ZCCHC7: variants seen among roughly 807,000 people sequenced by gnomAD.
ZCCHC7 encodes the protein zinc finger CCHC domain-containing protein 7.
ZCCHC7 carries 35 observed loss-of-function variants against 52.0 expected under a neutral mutation model. That is an observed-to-expected ratio of 0.67 (90% confidence interval 0.51 to 0.89). The LOEUF is 0.89. Ranked by LOEUF, ZCCHC7 falls within the 40% of genes least tolerant of loss-of-function variation. ZCCHC7 has a pLI of 0.00. For missense variants in ZCCHC7, 574 were observed against 649.1 expected (o/e 0.88, Z 1.26); for synonymous variants, 217 against 221.5 (o/e 0.98, Z 0.18).
chr9:37,338,660 T>A (rs1244599002), intron 6 of ZCCHC7, among the ~76,000 whole-genome samples: 3 of 152,222 alleles, frequency 2.0e-5, no homozygotes, highest in African/African-American at 7.2e-5. Flanking sequence ...GGCAAATTAC[T>A]CTCAGGTAAA....
At chr9:37,223,263 A>G (rs1355707429) in intron 2 of ZCCHC7, among the ~76,000 whole-genome samples, 4 of 152,226 alleles carry the variant, frequency 2.6e-5, no homozygotes, top group Non-Finnish European at 5.9e-5. Context: ...AAAGATGCAT[A>G]GAAAACCATA....
intron 2 of ZCCHC7, among the ~76,000 whole-genome samples, chr9:37,168,212 A>C (rs1283997241): frequency 6.6e-6 from 1 of 152,078 alleles, no homozygotes; most frequent in Non-Finnish European, 1.5e-5. Context: ...TCTTTCATGG[A>C]TTATTGTCCT....
intron 1 of ZCCHC7, among the ~76,000 whole-genome samples, chr9:37,121,204 G>T (rs556151702): frequency 6.6e-6 from 1 of 152,316 alleles, no homozygotes; most frequent in Admixed American, 6.5e-5. Context: ...AAGAGCTGCT[G>T]GTTCGGTGGA....
intron 2 of ZCCHC7, among the ~76,000 whole-genome samples, chr9:37,205,801 C>T (rs935005452): frequency 1.3e-5 from 2 of 152,188 alleles, no homozygotes; most frequent in African/African-American, 4.8e-5. Context: ...CAGGCATCAG[C>T]CACCTTGCCC....
intron 5 of ZCCHC7, among the ~76,000 whole-genome samples, chr9:37,306,315 C>T (rs1467147476): frequency 1.3e-5 from 2 of 151,908 alleles, no homozygotes; most frequent in African/African-American, 2.4e-5. Flanking sequence ...GTGATCTGCC[C>T]GCCTCAGCCT....
intron 4 of ZCCHC7, among the ~76,000 whole-genome samples, chr9:37,305,249 A>T (rs989438852): frequency 2.6e-4 from 40 of 152,200 alleles, no homozygotes; most frequent in African/African-American, 9.4e-4. Flanking sequence ...GCTTCTAGAT[A>T]TCCTCCTCAT....
intron 6 of ZCCHC7, among the ~76,000 whole-genome samples, chr9:37,348,378 C>CTTTCTTTCT (rs1554736760): frequency 4.1e-5 from 6 of 146,448 alleles, no homozygotes; most frequent in African/African-American, 1.1e-4. Context: ...TTCTTTCTTT[C>CTTTCTTTCT]TTTCTTTCTT....
At chr9:37,292,846 A>G (rs1009740124) in intron 2 of ZCCHC7, among the ~76,000 whole-genome samples, 8 of 146,006 alleles carry the variant, frequency 5.5e-5, no homozygotes, top group African/African-American at 1.3e-4. Context: ...TCTCGCTGGT[A>G]TGTATCAAAT....
intron 2 of ZCCHC7, among the ~76,000 whole-genome samples, chr9:37,214,810 G>A (rs1824419120): frequency 1.3e-5 from 2 of 151,972 alleles, no homozygotes; most frequent in African/African-American, 4.8e-5. Context: ...CTCAGCATTG[G>A]TAATAATGAA....
intron 2 of ZCCHC7, among the ~76,000 whole-genome samples, chr9:37,129,109 GA>G (rs892186840): frequency 8.6e-5 from 13 of 151,742 alleles, no homozygotes; most frequent in Admixed American, 3.9e-4. Flanking sequence ...TTGATAACTT[GA>G]AAAAAAAGCT....
chr9:37,253,660 T>C (rs1826437457), intron 2 of ZCCHC7, among the ~76,000 whole-genome samples: 1 of 152,038 alleles, frequency 6.6e-6, no homozygotes, highest in Non-Finnish European at 1.5e-5. Flanking sequence ...AGAGACTTCC[T>C]ATCACTTTGG....
At chr9:37,309,172 G>T (rs985674802) in intron 5 of ZCCHC7, among the ~76,000 whole-genome samples, 2 of 152,108 alleles carry the variant, frequency 1.3e-5, no homozygotes, top group Non-Finnish European at 2.9e-5. Context: ...CTACACACCT[G>T]GTGTAGGATT....
chr9:37,290,867 A>G (rs563458319), intron 2 of ZCCHC7, among the ~76,000 whole-genome samples: 59 of 152,278 alleles, frequency 3.9e-4, no homozygotes, highest in African/African-American at 1.4e-3. Context: ...CCTAGGAATA[A>G]TTTTATCATT....
Position 37,125,785 on chromosome 9 carries a change from A to G in ZCCHC7, c.-21-527A>G, listed in dbSNP as rs568680262. Among the ~76,000 whole-genome samples, 4 of 152,366 alleles carry G rather than the reference A, an allele frequency of 2.6e-5. No individual in the cohort carries two copies. The East Asian group carries it at 5.8e-4, about 22-fold the overall frequency. Reference sequence around the variant, plus strand: ...TGAAATCTTACATATCATGTGCTGCATAATAGCATTTTGGTTAAAGACAGA... The same window carrying G: ...TGAAATCTTACATATCATGTGCTGCGTAATAGCATTTTGGTTAAAGACAGA... On this transcript the variant is annotated intron_variant, in intron 1 of 8. Coordinates refer to ENST00000336755, the MANE Select transcript of ZCCHC7 (RefSeq NM_032226.3).
At chr9:37,193,842 C>T (rs1823144805) in intron 2 of ZCCHC7, among the ~76,000 whole-genome samples, 1 of 152,196 alleles carries the variant, frequency 6.6e-6, no homozygotes, top group Non-Finnish European at 1.5e-5. Context: ...CTCCCTCTTT[C>T]CTAATCAGTG....
intron 2 of ZCCHC7, among the ~76,000 whole-genome samples, chr9:37,134,361 T>C (rs1842915323): frequency 6.6e-6 from 1 of 152,230 alleles, no homozygotes; most frequent in Admixed American, 6.5e-5. Flanking sequence ...CCTCTGTCTT[T>C]CCTGTGAATT....
chr9:37,228,884 A>G (rs1427961389), intron 2 of ZCCHC7, among the ~76,000 whole-genome samples: 1 of 146,252 alleles, frequency 6.8e-6, no homozygotes, highest in African/African-American at 2.5e-5. Context: ...CGCCTGGGCT[A>G]AAGTGCAGTG....
intron 5 of ZCCHC7, among the ~76,000 whole-genome samples, chr9:37,310,959 T>TTA (rs1491195786): frequency 8.7e-6 from 1 of 115,046 alleles, no homozygotes; most frequent in African/African-American, 3.3e-5. Context: ...TCTCTCTTTT[T>TTA]AAAAAAAAAA....
intron 2 of ZCCHC7, among the ~76,000 whole-genome samples, chr9:37,228,861 A>T (rs1825255818): frequency 7.0e-6 from 1 of 142,846 alleles, no homozygotes. Flanking sequence ...TTTGAGACAG[A>T]GTCTCACTCT....
Sources: gnomAD v4.1 joint callset for allele counts (sites outside exome capture counted in the v4.1 genomes callset) on GRCh38, gnomAD v4.1.1 for gene constraint, MANE v1.5 for transcripts, NCBI Gene and HGNC (gene_info 2026-07-23, HGNC 2026-07-21) for gene names.